Variants in RPS6KC1 observed in about 807,000 individuals in gnomAD.
The protein encoded by RPS6KC1 is inactive ribosomal protein S6 kinase delta-1.
A neutral mutation model predicts 103.8 loss-of-function variants in RPS6KC1; 54 were observed. The observed-to-expected ratio is 0.52, with a 90% confidence interval of 0.42 to 0.65. RPS6KC1 has a LOEUF of 0.65. Ranked by LOEUF, RPS6KC1 falls within the 30% of genes least tolerant of loss-of-function variation. The pLI, the probability that RPS6KC1 is intolerant of heterozygous loss-of-function variation, is 0.00. For synonymous variants in RPS6KC1, 439 were observed against 438.7 expected (o/e 1.00, Z -0.01); for missense variants, 1,151 against 1,253.8 (o/e 0.92, Z 1.24).
chr1:213,649,917 A>C, the RPS6KC1 span, among the ~76,000 whole-genome samples: 1 of 152,200 alleles, frequency 6.6e-6, no homozygotes, highest in Non-Finnish European at 1.5e-5. Context: ...GATCCCGAGC[A>C]ATATCTTCTA....
chr1:213,792,125 G>A, the RPS6KC1 span, among the ~76,000 whole-genome samples: 7 of 151,718 alleles, frequency 4.6e-5, no homozygotes, highest in East Asian at 1.9e-4. Flanking sequence ...CTGCTCTACC[G>A]CCCATGGTGC....
At chr1:213,166,833 A>T (rs2091009532) in intron 6 of RPS6KC1, among the ~76,000 whole-genome samples, 1 of 152,218 alleles carries the variant, frequency 6.6e-6, no homozygotes, top group Non-Finnish European at 1.5e-5. Context: ...AAGGGCAGGA[A>T]TGTAGCTTTG....
chr1:213,727,025 A>G, the RPS6KC1 span, among the ~76,000 whole-genome samples: 1 of 152,242 alleles, frequency 6.6e-6, no homozygotes, highest in Non-Finnish European at 1.5e-5. Context: ...CTAAAGGGCC[A>G]GCTGGAGAAT....
the RPS6KC1 span, among the ~76,000 whole-genome samples, chr1:213,676,009 C>T: frequency 6.6e-6 from 1 of 152,172 alleles, no homozygotes; most frequent in Non-Finnish European, 1.5e-5. Flanking sequence ...CTGACTTCTA[C>T]CTTCCCCTGT....
At chr1:213,694,745 TTA>T in the RPS6KC1 span, among the ~76,000 whole-genome samples, 1 of 152,164 alleles carries the variant, frequency 6.6e-6, no homozygotes, top group African/African-American at 2.4e-5. Context: ...TTTGGTTTTG[TTA>T]GAAAGGAGGA....
chr1:213,634,091 G>C, the RPS6KC1 span, among the ~76,000 whole-genome samples: 1 of 151,958 alleles, frequency 6.6e-6, no homozygotes. Context: ...AGTCCTTAGA[G>C]AACTACAAAG....
At chr1:213,780,693 C>T in the RPS6KC1 span, among the ~76,000 whole-genome samples, 5 of 152,108 alleles carry the variant, frequency 3.3e-5, no homozygotes, top group East Asian at 7.7e-4. Context: ...TGAGAGATGG[C>T]ACTTCGGGGA....
chr1:213,437,657 C>G, the RPS6KC1 span, among the ~76,000 whole-genome samples: 4 of 151,924 alleles, frequency 2.6e-5, 1 homozygote, highest in African/African-American at 9.7e-5. Flanking sequence ...AATAGATACA[C>G]ACTATTCAGA....
chr1:213,705,308 G>A, the RPS6KC1 span, among the ~76,000 whole-genome samples: 2 of 152,222 alleles, frequency 1.3e-5, no homozygotes, highest in African/African-American at 2.4e-5. Context: ...CTGTTGCACT[G>A]CAGTTGAACT....
the RPS6KC1 span, among the ~76,000 whole-genome samples, chr1:213,555,240 G>C: frequency 6.6e-6 from 1 of 152,174 alleles, no homozygotes; most frequent in African/African-American, 2.4e-5. Context: ...TGCCACTGAA[G>C]AATCAGAACA....
chr1:213,805,051 A>T, the RPS6KC1 span, among the ~76,000 whole-genome samples: 2 of 152,362 alleles, frequency 1.3e-5, no homozygotes. Flanking sequence ...TTTGTGTCTA[A>T]GAAACAATGT....
At chr1:213,470,825 A>G in the RPS6KC1 span, among the ~76,000 whole-genome samples, 1 of 151,856 alleles carries the variant, frequency 6.6e-6, no homozygotes, top group Admixed American at 6.6e-5. Flanking sequence ...GGGTCTTTCT[A>G]TCTTGCCCAG....
chr1:213,428,618 C>T, the RPS6KC1 span: 1 of 128,076 alleles, frequency 7.8e-6, no homozygotes, highest in Admixed American at 8.2e-5. Flanking sequence ...CTCCCTCTCT[C>T]TCTTTCTTTC....
intron 8 of RPS6KC1, among the ~76,000 whole-genome samples, chr1:213,219,211 C>T (rs1264997018): frequency 6.6e-6 from 1 of 152,194 alleles, no homozygotes; most frequent in Non-Finnish European, 1.5e-5. Flanking sequence ...TATGAACAGA[C>T]ACTTTTCAAA....
the RPS6KC1 span, among the ~76,000 whole-genome samples, chr1:213,425,171 G>A: frequency 6.6e-6 from 1 of 151,984 alleles, no homozygotes. Flanking sequence ...CTTAACAATA[G>A]AGAGGAACAA....
chr1:213,514,202 T>G, the RPS6KC1 span, among the ~76,000 whole-genome samples: 1 of 152,222 alleles, frequency 6.6e-6, no homozygotes, highest in Non-Finnish European at 1.5e-5. Flanking sequence ...TTTTAGCCTT[T>G]GATTAATAAA....
intron 8 of RPS6KC1, among the ~76,000 whole-genome samples, chr1:213,221,655 A>G (rs527394543): frequency 6.6e-6 from 1 of 152,328 alleles, no homozygotes; most frequent in South Asian, 2.1e-4. Context: ...GAAATCTACA[A>G]TTAGTTGTGT....
the RPS6KC1 span, among the ~76,000 whole-genome samples, chr1:213,322,432 G>A: frequency 6.6e-6 from 1 of 152,198 alleles, no homozygotes; most frequent in African/African-American, 2.4e-5. Context: ...GGTTTTAAAA[G>A]GATCATTCTG....
At chr1:213,797,776 G>T in the RPS6KC1 span, among the ~76,000 whole-genome samples, 2 of 152,172 alleles carry the variant, frequency 1.3e-5, no homozygotes, top group Admixed American at 1.3e-4. Flanking sequence ...CCATGAGCAT[G>T]GTATAGAACC....
Sources: allele counts gnomAD v4.1 joint callset (sites outside exome capture counted in the v4.1 genomes callset), GRCh38; gene constraint gnomAD v4.1.1; transcripts MANE v1.5; gene names NCBI Gene and HGNC (gene_info 2026-07-23, HGNC 2026-07-21).